The following PLAC9 variants were observed in gnomAD, a reference collection of about 807,000 sequenced individuals.
PLAC9 encodes the protein placenta associated 9, also known as placenta-specific protein 9.
In PLAC9, 12 loss-of-function variants were observed where a neutral mutation model predicts 11.5. That is an observed-to-expected ratio of 1.05 (90% CI 0.67 to 1.69). The LOEUF is 1.69. Ranked by LOEUF, PLAC9 falls within the 40% of genes most tolerant of loss-of-function variation. The probability of loss-of-function intolerance (pLI) is 0.00; values close to 1 mark genes in which losing one functional copy is unlikely to be tolerated. For missense variants in PLAC9, 132 were observed against 130.5 expected, an observed-to-expected ratio of 1.01 and a Z score of -0.06; for synonymous variants, 62 against 58.1, an observed-to-expected ratio of 1.07 and a Z score of -0.31.
intron 1 of PLAC9, among the ~76,000 whole-genome samples, chr10:80,141,530 C>T (rs1386402629): frequency 2.6e-5 from 4 of 152,068 alleles, no homozygotes; most frequent in Non-Finnish European, 4.4e-5. Flanking sequence ...ACCCAGGAGG[C>T]GGAGGTTGGA....
intron 1 of PLAC9, among the ~76,000 whole-genome samples, chr10:80,139,563 C>T (rs1251055534): frequency 6.6e-6 from 1 of 152,090 alleles, no homozygotes; most frequent in African/African-American, 2.4e-5. Context: ...TTGTTGATGC[C>T]GGCTCATTCT....
At chr10:80,144,803 G>A (rs1391784183) in intron 3 of PLAC9, 97 bp from the exon 4 acceptor site, 79 of 1,281,778 alleles carry the variant, frequency 6.2e-5, no homozygotes, top group Non-Finnish European at 8.0e-5. Context: ...TAGTTCCTGG[G>A]GGCCGGGGAG....
At chr10:80,144,833 G>A (rs1162947200) in intron 3 of PLAC9, 67 bp from the exon 4 acceptor site, 5 of 1,482,992 alleles carry the variant, frequency 3.4e-6, no homozygotes, top group African/African-American at 2.8e-5. Flanking sequence ...GGAACTGCTG[G>A]GCACCACGGG....
chr10:80,138,823 T>C (rs1477234681), intron 1 of PLAC9, among the ~76,000 whole-genome samples: 3 of 152,192 alleles, frequency 2.0e-5, no homozygotes, highest in Admixed American at 6.5e-5. Context: ...GCTACAAGCA[T>C]TGCACGTAGA....
rs1045745593 is a variant in PLAC9, at chr10:80,145,230, G to A, written c.*320G>A. 11 of 501,416 alleles carry A rather than the reference G, an allele frequency of 2.2e-5. No homozygotes were observed. The highest frequency in any genetic ancestry group is 7.7e-5 in the Admixed American group (2 of 26,096). 31.1% of individuals were successfully genotyped at this position (501,416 alleles called of 1,614,324 possible). Reference sequence around the variant, plus strand: ...GAGTGGCCTTGCTTCTCAAAATGTGGCCATAGGTGAAAAGCAAGGGGATCA... The same window carrying A: ...GAGTGGCCTTGCTTCTCAAAATGTGACCATAGGTGAAAAGCAAGGGGATCA... On this transcript the variant is annotated 3_prime_UTR_variant, in exon 4 of 4. Transcript: ENST00000372263.
At chr10:80,132,938 GAC>G in intron 1 of PLAC9, 112 bp downstream of exon 1, 3 of 889,466 alleles carry the variant, frequency 3.4e-6, no homozygotes, top group Non-Finnish European at 4.7e-6. Context: ...CAGCGAGATG[GAC>G]AGAGAGGCAG....
At chr10:80,137,065 C>A (rs1008336457) in intron 1 of PLAC9, among the ~76,000 whole-genome samples, 2 of 152,314 alleles carry the variant, frequency 1.3e-5, no homozygotes, top group Admixed American at 6.5e-5. Context: ...AGGATGCTGG[C>A]AGTACAATGT....
At chr10:80,136,813 C>A (rs924799131) in intron 1 of PLAC9, among the ~76,000 whole-genome samples, 1 of 152,040 alleles carries the variant, frequency 6.6e-6, no homozygotes, top group East Asian at 1.9e-4. Context: ...GAGCCCAGCT[C>A]GTCTAGCTAA....
In PLAC9 at chr10:80,132,790, G is replaced by T. The variant is rs1460280849; in HGVS notation, c.28G>T (p.Gly10Ter). ...GCGGCCCCTGCTCTGCGCGCTGACCGGACTGGCCCTGCTCCGCGCCGCGGG... is the reference window on the plus strand; with the variant it reads ...GCGGCCCCTGCTCTGCGCGCTGACCTGACTGGCCCTGCTCCGCGCCGCGGG... Reference protein sequence around the residue: MRPLLCALTGLALLRAAGSL... With the variant: MRPLLCALT Residue 10 changes from glycine (G) to a stop codon, truncating the protein, a stop_gained, in exon 1 of 4, where the codon GGA (glycine) becomes TGA (stop). Transcript: ENST00000372263. LOFTEE classifies it high-confidence loss of function. 9 of 1,498,296 alleles carry T rather than the reference G, an allele frequency of 6.0e-6. No individual in the cohort carries two copies. The East Asian group carries it at 2.2e-4, about 37-fold the overall frequency. 92.8% of individuals were successfully genotyped at this position (1,498,296 alleles called of 1,614,324 possible).
chr10:80,144,538 G>C (rs78414600), intron 3 of PLAC9, among the ~76,000 whole-genome samples, 195 bp downstream of exon 3: 3,956 of 149,444 alleles, frequency 0.026, 54 homozygotes, highest in Non-Finnish European at 0.038. Context: ...CACACCCGGT[G>C]GCTGCCGCCC....
At chr10:80,137,709 G>T (rs1281576440) in intron 1 of PLAC9, among the ~76,000 whole-genome samples, 1 of 152,150 alleles carries the variant, frequency 6.6e-6, no homozygotes, top group Non-Finnish European at 1.5e-5. Flanking sequence ...AAGCCCAGGG[G>T]TTTGAGCTTA....
chr10:80,132,652 G>T, upstream of PLAC9: 1 of 879,544 alleles, frequency 1.1e-6, no homozygotes, highest in South Asian at 2.0e-5. Flanking sequence ...GTCCGGAGCC[G>T]CCCAGGAATT....
At chr10:80,132,645 C>A, upstream of PLAC9, 2 of 819,018 alleles carry the variant, frequency 2.4e-6, no homozygotes, top group Non-Finnish European at 3.5e-6. Flanking sequence ...CCAGAAAGTC[C>A]GGAGCCGCCC....
At chr10:80,142,282 G>A (rs751516624) in intron 2 of PLAC9, 103 bp downstream of exon 2, 5 of 962,492 alleles carry the variant, frequency 5.2e-6, no homozygotes, top group Non-Finnish European at 6.2e-6. Context: ...GGACATCCGG[G>A]CCGATCCTGC....
chr10:80,144,825 A>G (rs1406548496), intron 3 of PLAC9, 75 bp from the exon 4 acceptor site: 17 of 1,440,818 alleles, frequency 1.2e-5, no homozygotes, highest in Non-Finnish European at 1.5e-5. Flanking sequence ...GAAGGGAAGG[A>G]ACTGCTGGGC....
At chr10:80,132,510 G>T, upstream of PLAC9, 1 of 420,968 alleles carries the variant, frequency 2.4e-6, no homozygotes, top group Non-Finnish European at 4.2e-6. Context: ...GCGGGGACTC[G>T]GGGGGCGGCC....
At position 80,145,264 on chromosome 10, in the gene PLAC9, G is replaced by C; in HGVS notation, c.*354G>C. On this transcript the variant is annotated 3_prime_UTR_variant, in exon 4 of 4. Coordinates refer to ENST00000372263, the MANE Select transcript of PLAC9 (RefSeq NM_001012973.3). ...GAAAAGCAAGGGGATCAGGGTCTCA[G>C]GACCCACCCAGACTGTTTAATCCAA... is the stretch of plus-strand genomic sequence containing the variant. 1 of 445,954 alleles carries C rather than the reference G, an allele frequency of 2.2e-6. No homozygotes were observed. Among genetic ancestry groups the C allele is most frequent in the Non-Finnish European group, 4.0e-6 (1 of 251,560 alleles). The allele number at this position is 445,954 out of a possible 1,614,324, so 27.6% of individuals were successfully genotyped here.
At chr10:80,143,389 A>ATTTTTTTTTTTTTTT (rs560963413) in intron 2 of PLAC9, among the ~76,000 whole-genome samples, 1 of 89,944 alleles carries the variant, frequency 1.1e-5, no homozygotes, top group African/African-American at 5.0e-5. Flanking sequence ...AAATACTTGA[A>ATTTTTTTTTTTTTTT]TTTTTTTTTT....
At chr10:80,143,198 C>T (rs183905287) in intron 2 of PLAC9, among the ~76,000 whole-genome samples, 19 of 151,078 alleles carry the variant, frequency 1.3e-4, no homozygotes, top group African/African-American at 4.1e-4. Context: ...ACCACCATGC[C>T]CAGCTAATTT....
Sources: allele counts gnomAD v4.1 joint callset (sites outside exome capture counted in the v4.1 genomes callset), GRCh38; gene constraint gnomAD v4.1.1; transcripts MANE v1.5; gene names NCBI Gene and HGNC (gene_info 2026-07-23, HGNC 2026-07-21).